Variants in AP1G1 observed in about 807,000 individuals in gnomAD.
AP1G1 encodes the protein adaptor related protein complex 1 subunit gamma 1, also known as AP-1 complex subunit gamma-1.
Under a neutral mutation model 108.3 loss-of-function variants are expected in AP1G1, and 7 were observed. The observed-to-expected ratio is 0.06, with a 90% confidence interval of 0.04 to 0.12. AP1G1 has a LOEUF of 0.12. Ranked by LOEUF, AP1G1 falls within the 10% of genes least tolerant of loss-of-function variation. The pLI, the probability that AP1G1 is intolerant of heterozygous loss-of-function variation, is 1.00. For missense variants in AP1G1, 756 were observed against 1,010.7 expected, an observed-to-expected ratio of 0.75 and a Z score of 3.42; for synonymous variants, 379 against 353.5, an observed-to-expected ratio of 1.07 and a Z score of -0.81.
In AP1G1 at chr16:71,749,880, G is replaced by A; in HGVS notation, c.1497+14C>T. ...ACTATTTTCCCCCACTTAACCAAGAGTGACAAGGAGTACCTGAATAGGCTC... is the reference window on the plus strand; with the variant it reads ...ACTATTTTCCCCCACTTAACCAAGAATGACAAGGAGTACCTGAATAGGCTC... On this transcript the variant is annotated intron_variant, in intron 15 of 22. Coordinates refer to ENST00000299980, the MANE Select transcript of AP1G1 (RefSeq NM_001128.6). The A allele has an allele frequency of 4.4e-6, 7 of 1,579,546 alleles. No individual in the cohort carries two copies. Among genetic ancestry groups the A allele is most frequent in the Non-Finnish European group, 6.1e-6 (7 of 1,149,124 alleles).
At chr16:71,803,234 T>TA (rs1358351785) in intron 1 of AP1G1, among the ~76,000 whole-genome samples, 1 of 152,032 alleles carries the variant, frequency 6.6e-6, no homozygotes, top group Non-Finnish European at 1.5e-5. Context: ...AATAAATAAA[T>TA]AATAAGATGT....
intron 2 of AP1G1, among the ~76,000 whole-genome samples, chr16:71,786,711 G>A (rs1417680363): frequency 2.0e-5 from 3 of 151,950 alleles, no homozygotes; most frequent in African/African-American, 4.8e-5. Context: ...CACCCACCTC[G>A]GCCTCCCAAA....
At chr16:71,806,245 T>C (rs866059670) in intron 1 of AP1G1, among the ~76,000 whole-genome samples, 17 of 152,104 alleles carry the variant, frequency 1.1e-4, no homozygotes, top group African/African-American at 3.9e-4. Context: ...AACAAGCAAC[T>C]GCCCCCAAAA....
intron 22 of AP1G1, 128 bp downstream of exon 22, chr16:71,734,481 A>G: frequency 1.3e-6 from 1 of 753,268 alleles, no homozygotes; most frequent in South Asian, 1.8e-5. Flanking sequence ...AGGAAGTTAG[A>G]CCAGGCATTT....
Position 71,745,589 on chromosome 16 carries a change from C to T in AP1G1, c.1756G>A (p.Val586Ile). Residue 586 changes from valine to isoleucine, a missense_variant, in exon 18 of 23, where the codon GTC becomes ATC. Physicochemically the swap from Val to Ile is conservative, Grantham distance 29 (BLOSUM62 3). Around this residue, in one of 3 missense-constraint regions of AP1G1, gnomAD observed 357 missense variants for 366.5 expected, o/e 0.97. Coordinates refer to ENST00000299980, the MANE Select transcript of AP1G1 (RefSeq NM_001128.6). Reference protein sequence around the residue: ...MRSALLERMPVMEKVTTNGPT... With the variant: ...MRSALLERMPIMEKVTTNGPT... The stretch of plus-strand genomic sequence containing the variant: ...CCATTTGTGGTCACTTTTTCCATGA[C>T]AGGCATTCTCTCAAGTAGGGCAGAC... 4 of 1,614,172 alleles carry T rather than the reference C, an allele frequency of 2.5e-6. No individual in the cohort carries two copies. Among genetic ancestry groups the T allele is most frequent in the Non-Finnish European group, 2.5e-6 (3 of 1,180,016 alleles).
At chr16:71,750,169 G>C (rs778369964) in intron 14 of AP1G1, 41 bp downstream of exon 14, 2 of 1,602,462 alleles carry the variant, frequency 1.2e-6, no homozygotes, top group Admixed American at 3.5e-5. Context: ...GAAAAATTGA[G>C]GGTAAAATTA....
chr16:71,777,255 T>G (rs1341714744), intron 2 of AP1G1, among the ~76,000 whole-genome samples: 2 of 145,252 alleles, frequency 1.4e-5, no homozygotes, highest in African/African-American at 2.6e-5. Flanking sequence ...AGGATAGGGA[T>G]GAGGCAGGAC....
intron 6 of AP1G1, among the ~76,000 whole-genome samples, chr16:71,765,953 A>G (rs1489212974): frequency 2.6e-5 from 4 of 152,238 alleles, no homozygotes; most frequent in African/African-American, 9.6e-5. Flanking sequence ...AAACATGTTC[A>G]GTTTTCACCC....
At chr16:71,757,871 G>C (rs1307620525) in intron 11 of AP1G1, among the ~76,000 whole-genome samples, 1 of 152,176 alleles carries the variant, frequency 6.6e-6, no homozygotes, top group East Asian at 1.9e-4. Context: ...CAAGGATTAA[G>C]GTTTAGGTTA....
At chr16:71,745,356 TA>T in intron 18 of AP1G1, 86 bp from the exon 19 acceptor site, 1 of 1,599,606 alleles carries the variant, frequency 6.3e-7, no homozygotes. Flanking sequence ...TATGTAAAAA[TA>T]AGGAAGGAAA....
At chr16:71,758,969 GAT>G (rs759331285) in intron 10 of AP1G1, 48 bp from the exon 11 acceptor site, 13 of 1,114,244 alleles carry the variant, frequency 1.2e-5, no homozygotes, top group Non-Finnish European at 1.7e-5. Context: ...TAAAATTCAG[GAT>G]AGTTTTTCTC....
intron 1 of AP1G1, among the ~76,000 whole-genome samples, chr16:71,790,412 T>C (rs2032356060): frequency 6.6e-6 from 1 of 151,634 alleles, no homozygotes; most frequent in South Asian, 2.1e-4. Flanking sequence ...TGGTGGCACA[T>C]GCCTGTAATC....
In AP1G1 at chr16:71,789,471, G is replaced by T; in HGVS notation, c.9C>A (p.Ala3=). 6.2e-7 allele frequency: 1 copy of T among 1,613,966 alleles called. No individual in the cohort carries two copies. Among genetic ancestry groups the T allele is most frequent in the Non-Finnish European group, 8.5e-7 (1 of 1,179,936 alleles). The change falls in exon 2 of 23, where the codon GCC becomes GCA. Residue 3 remains alanine, a synonymous_variant. Transcript: ENST00000299980. The stretch of plus-strand genomic sequence containing the variant: ...GGATCAGCTCCCGCAATCTGATGGG[G>T]GCTGGCATCCTCTGGATATGGAAAG... MP[A]PIRLRELIRT... is the part of the protein sequence containing the mutation.
chr16:71,769,801 C>T (rs1182649894), intron 5 of AP1G1, 102 bp from the exon 6 acceptor site: 2 of 940,528 alleles, frequency 2.1e-6, no homozygotes, highest in African/African-American at 3.3e-5. Context: ...AGGATAGTTG[C>T]TACTTTTGCT....
At chr16:71,758,223 G>GTTCTACATA (rs1345657687) in intron 11 of AP1G1, among the ~76,000 whole-genome samples, 1 of 152,184 alleles carries the variant, frequency 6.6e-6, no homozygotes, top group Non-Finnish European at 1.5e-5. Context: ...CTTTAGCTAA[G>GTTCTACATA]TTCTACATAT....
chr16:71,787,596 T>C (rs1455758301), intron 2 of AP1G1, among the ~76,000 whole-genome samples: 1 of 152,228 alleles, frequency 6.6e-6, no homozygotes, highest in East Asian at 1.9e-4. Context: ...GTCTTCTCCC[T>C]CACTAGACTT....
At chr16:71,784,496 T>C (rs1301681197) in intron 2 of AP1G1, among the ~76,000 whole-genome samples, 1 of 152,228 alleles carries the variant, frequency 6.6e-6, no homozygotes, top group African/African-American at 2.4e-5. Flanking sequence ...TTCTCTTTAA[T>C]GTAGATGCTG....
rs549906076 is a variant in AP1G1, at chr16:71,740,224, T to G, written c.2000-883A>C. 6.6e-5 allele frequency among the ~76,000 whole-genome samples: 10 copies of G among 152,290 alleles called. No individual in the cohort carries two copies. The South Asian group carries it at 1.9e-3, about 28-fold the overall frequency. ...AGTAATAGCTTTTAGGCTTCCTAAT[T>G]CTTTGTTGTAGGGGGCTGCCTTGTT... On this transcript the variant is annotated intron_variant, in intron 19 of 22. Coordinates refer to ENST00000299980, the MANE Select transcript of AP1G1 (RefSeq NM_001128.6).
intron 6 of AP1G1, 121 bp downstream of exon 6, chr16:71,769,502 G>C (rs1184359695): frequency 3.1e-6 from 3 of 962,690 alleles, no homozygotes; most frequent in South Asian, 1.3e-5. Context: ...AGCAGGGCTA[G>C]TTAAATCCCT....
Sources: allele counts gnomAD v4.1 joint callset (sites outside exome capture counted in the v4.1 genomes callset), GRCh38; gene constraint gnomAD v4.1.1; regional missense constraint gnomAD v4.1.1; transcripts MANE v1.5; gene names NCBI Gene and HGNC (gene_info 2026-07-23, HGNC 2026-07-21).